SPRY3: variants seen among roughly 807,000 people sequenced by gnomAD.
SPRY3 encodes the protein sprouty RTK signaling antagonist 3, also known as protein sprouty homolog 3.
Under a neutral mutation model 20.2 loss-of-function variants are expected in SPRY3, and 15 were observed. The ratio of observed to expected loss-of-function variants is 0.74; its 90% confidence interval spans 0.50 to 1.14. The LOEUF is 1.14. Among genes scored for constraint, SPRY3 ranks in the 50% most tolerant of loss-of-function variants. The probability of loss-of-function intolerance (pLI) is 0.00; values close to 1 mark genes in which losing one functional copy is unlikely to be tolerated. For synonymous variants in SPRY3, 143 were observed against 136.5 expected, an observed-to-expected ratio of 1.05 and a Z score of -0.33; for missense variants, 364 against 363.9, an observed-to-expected ratio of 1.00 and a Z score of 0.00.
chrX:155,656,510 G>A (rs1017810881), intron 1 of SPRY3, among the ~76,000 whole-genome samples: 1 of 110,753 alleles, frequency 9.0e-6, no homozygotes, highest in Non-Finnish European at 1.9e-5. Flanking sequence ...TTTTGTCAAC[G>A]TTCTTAGCTT....
chrX:155,730,649 A>C (rs1476670017), intron 2 of SPRY3, among the ~76,000 whole-genome samples: 9 of 152,132 alleles, frequency 5.9e-5, no homozygotes, highest in Admixed American at 5.9e-4. Flanking sequence ...GTAGCATTAG[A>C]AGTCCTAGCT....
At chrX:155,653,684 TGA>T (rs1382850181) in intron 1 of SPRY3, among the ~76,000 whole-genome samples, 1 of 112,436 alleles carries the variant, frequency 8.9e-6, no homozygotes, top group Non-Finnish European at 1.9e-5. Flanking sequence ...TTGGAAAGTG[TGA>T]GTCTTCCAAC....
At chrX:155,726,048 C>G in intron 2 of SPRY3, among the ~76,000 whole-genome samples, 1 of 152,094 alleles carries the variant, frequency 6.6e-6, no homozygotes, top group East Asian at 1.9e-4. Context: ...CAAAGAACAT[C>G]TTTATTTCTC....
intron 1 of SPRY3, among the ~76,000 whole-genome samples, chrX:155,653,147 C>T (rs782429921): frequency 9.0e-6 from 1 of 110,725 alleles, no homozygotes; most frequent in South Asian, 3.8e-4. Flanking sequence ...ATATATGGAC[C>T]CTTATCTAGT....
intron 1 of SPRY3, chrX:155,612,940 C>T (rs1238315027): frequency 8.9e-6 from 1 of 112,428 alleles, no homozygotes; most frequent in Non-Finnish European, 1.9e-5. Flanking sequence ...CGCTCGGGCC[C>T]AGCGGAGAGC....
chrX:155,686,119 A>G (rs1385742547), intron 2 of SPRY3, among the ~76,000 whole-genome samples: 1 of 111,567 alleles, frequency 9.0e-6, no homozygotes, highest in African/African-American at 3.3e-5. Flanking sequence ...TAAAATTTCT[A>G]TTGTGTTCTC....
intron 2 of SPRY3, among the ~76,000 whole-genome samples, chrX:155,705,770 G>A (rs2090946423): frequency 6.6e-6 from 1 of 151,278 alleles, no homozygotes; most frequent in African/African-American, 2.4e-5. Context: ...GGGATATAGA[G>A]AGACATACAT....
chrX:155,613,208 G>C (rs1227929553), intron 1 of SPRY3, among the ~76,000 whole-genome samples: 1 of 111,980 alleles, frequency 8.9e-6, no homozygotes, highest in Non-Finnish European at 1.9e-5. Context: ...TTCTATTTAT[G>C]GTAGTTTATC....
chrX:155,709,930 A>G lies in SPRY3; in HGVS notation c.-282+52905A>G, dbSNP rs769298889. 5.3e-5 allele frequency among the ~76,000 whole-genome samples: 8 copies of G among 151,568 alleles called. No homozygotes were observed. In the South Asian group the frequency reaches 8.3e-4, roughly 16 times the overall value. ...TATTGAAGAGACTTCCTTTTCCCCAATGTATGTTCTTGGCACTTTTACAGA... is the reference window on the plus strand; with the variant it reads ...TATTGAAGAGACTTCCTTTTCCCCAGTGTATGTTCTTGGCACTTTTACAGA... On this transcript the variant is annotated intron_variant, in intron 2 of 3. Coordinates refer to ENST00000675360, the Ensembl canonical transcript of SPRY3.
In SPRY3 at chrX:155,689,586, G is replaced by A. The variant is rs188293666; in HGVS notation, c.-282+32561G>A. ...TCCAGGAATTTATCAATTTCTTCCA[G>A]ATTTTCTAGTTTATGTGTATAGAGG... On this transcript the variant is annotated intron_variant, in intron 2 of 3. Transcript: ENST00000675360. 7.7e-3 allele frequency among the ~76,000 whole-genome samples: 668 copies of A among 86,674 alleles called. 178 individuals are homozygous for A. Among genetic ancestry groups the A allele is most frequent in the African/African-American group, 0.036 (636 of 17,910 alleles). 75.3% of individuals were successfully genotyped at this position (86,674 alleles called of 115,157 possible).
intron 2 of SPRY3, among the ~76,000 whole-genome samples, chrX:155,734,722 G>A (rs895374740): frequency 4.0e-5 from 6 of 151,856 alleles, no homozygotes; most frequent in African/African-American, 1.4e-4. Context: ...AGGTATGCCT[G>A]TATTAATAAT....
chrX:155,767,755 AGAGAGG>A (rs2091348856), intron 2 of SPRY3: 1 of 143,624 alleles, frequency 7.0e-6, no homozygotes, highest in Admixed American at 7.0e-5. Context: ...GGAGGAGGAG[AGAGAGG>A]AGGAGGAGGA....
chrX:155,706,339 A>C (rs2090950917), intron 2 of SPRY3, among the ~76,000 whole-genome samples: 1 of 151,214 alleles, frequency 6.6e-6, no homozygotes, highest in Non-Finnish European at 1.5e-5. Context: ...GCCACAGATA[A>C]AACTTTGCAT....
intron 2 of SPRY3, among the ~76,000 whole-genome samples, chrX:155,750,516 G>A (rs1233271277): frequency 2.6e-5 from 4 of 151,826 alleles, no homozygotes; most frequent in African/African-American, 9.7e-5. Context: ...GTATAAAGAG[G>A]CTACCTGAAA....
At chrX:155,723,634 G>GT (rs1441589853) in intron 2 of SPRY3, among the ~76,000 whole-genome samples, 6 of 152,092 alleles carry the variant, frequency 3.9e-5, no homozygotes, top group East Asian at 1.9e-4. Flanking sequence ...GTTGTTGTTT[G>GT]TTTTTTTCTT....
intron 2 of SPRY3, among the ~76,000 whole-genome samples, chrX:155,717,321 T>C (rs961705697): frequency 3.9e-5 from 6 of 152,028 alleles, no homozygotes; most frequent in Non-Finnish European, 1.5e-5. Context: ...ATTTCTAGTT[T>C]ACTTGCTACT....
intron 2 of SPRY3, among the ~76,000 whole-genome samples, chrX:155,764,618 A>C (rs1186466349): frequency 6.6e-6 from 1 of 152,176 alleles, no homozygotes; most frequent in Non-Finnish European, 1.5e-5. Flanking sequence ...AATAAATATT[A>C]TATCTGCCCT....
intron 2 of SPRY3, among the ~76,000 whole-genome samples, chrX:155,767,561 G>T (rs1366453812): frequency 7.9e-5 from 12 of 151,212 alleles, no homozygotes; most frequent in South Asian, 2.1e-4. Context: ...GAAAGAGGAG[G>T]GGGAGGAGGT....
chrX:155,659,366 C>T (rs951520890), intron 2 of SPRY3, among the ~76,000 whole-genome samples: 9 of 109,993 alleles, frequency 8.2e-5, no homozygotes, highest in South Asian at 7.8e-4. Flanking sequence ...AGGATGGTCT[C>T]GATCTCATGA....
Sources: allele counts gnomAD v4.1 joint callset (sites outside exome capture counted in the v4.1 genomes callset), GRCh38; gene constraint gnomAD v4.1.1; transcripts MANE v1.5; gene names NCBI Gene and HGNC (gene_info 2026-07-23, HGNC 2026-07-21).